Variants in TANC1 observed in about 807,000 individuals in gnomAD.
The protein encoded by TANC1 is protein TANC1.
In TANC1, 77 loss-of-function variants were observed where a neutral mutation model predicts 149.7. The ratio of observed to expected loss-of-function variants is 0.51; its 90% confidence interval spans 0.43 to 0.62. The LOEUF (loss-of-function observed/expected upper bound fraction) is 0.62, where lower values mean the gene tolerates loss of function less well. Among genes scored for constraint, TANC1 ranks in the 20% least tolerant of loss-of-function variants. TANC1 has a pLI of 0.00. For synonymous variants in TANC1, 854 were observed against 925.0 expected (o/e 0.92, Z 1.39); for missense variants, 1,985 against 2,321.8 (o/e 0.85, Z 2.98).
At chr2:159,182,157 C>G (rs975904877) in intron 14 of TANC1, among the ~76,000 whole-genome samples, 6 of 151,790 alleles carry the variant, frequency 4.0e-5, no homozygotes. Flanking sequence ...TGCAGTGAGT[C>G]GAGATCGTGC....
At chr2:159,146,934 T>TA (rs34335455) in intron 5 of TANC1, among the ~76,000 whole-genome samples, 117 of 148,448 alleles carry the variant, frequency 7.9e-4, no homozygotes, top group South Asian at 2.4e-3. Context: ...GTTTTTGGAT[T>TA]AAAAAAAAAA....
rs766595404 is a variant in TANC1 at position 159,163,529 on chromosome 2, G to A, written c.929G>A (p.Arg310Gln). ...GGCTCCAGCTCACTAATAATGCCACGGCCCAACTCAGTTGCAGGTAAGGCC... is the reference window on the plus strand; with the variant it reads ...GGCTCCAGCTCACTAATAATGCCACAGCCCAACTCAGTTGCAGGTAAGGCC... Reference protein sequence around the residue: ...SQGSSSLIMPRPNSVAATSST... With the variant: ...SQGSSSLIMPQPNSVAATSST... The change falls in exon 8 of 27, where the codon CGG (arginine) becomes CAG (glutamine). Residue 310 changes from arginine (R) to glutamine (Q), a missense_variant. By Grantham distance (43) the Arg-to-Gln change is conservative. This residue lies in a region of TANC1 where 557 missense variants were observed against 612.9 expected (regional missense o/e 0.91). Transcript: ENST00000263635. The A allele has an allele frequency of 4.3e-6, 7 of 1,612,174 alleles. No homozygotes were observed. Among genetic ancestry groups the A allele is most frequent in the Non-Finnish European group, 5.9e-6 (7 of 1,179,556 alleles).
intron 17 of TANC1, among the ~76,000 whole-genome samples, chr2:159,195,310 G>A (rs2057764579): frequency 2.6e-5 from 4 of 152,102 alleles, no homozygotes; most frequent in Admixed American, 2.6e-4. Flanking sequence ...AGTACAGATG[G>A]GGTTTCACCA....
chr2:159,066,860 C>G (rs1011546255), intron 3 of TANC1, among the ~76,000 whole-genome samples: 2 of 152,164 alleles, frequency 1.3e-5, no homozygotes, highest in Non-Finnish European at 1.5e-5. Flanking sequence ...CTAACCTATT[C>G]TAGGATTATT....
At chr2:159,058,413 C>T (rs757606767) in intron 2 of TANC1, among the ~76,000 whole-genome samples, 37 of 151,936 alleles carry the variant, frequency 2.4e-4, no homozygotes, top group Admixed American at 3.9e-4. Context: ...AGAGAATTGC[C>T]GTTGATTTTG....
chr2:159,217,005 T>C (rs552538409), intron 19 of TANC1, among the ~76,000 whole-genome samples: 3 of 152,340 alleles, frequency 2.0e-5, no homozygotes, highest in Non-Finnish European at 2.9e-5. Flanking sequence ...CTTAGCCACC[T>C]CTGAATCTAT....
chr2:159,217,757 G>T (rs1008250213), intron 20 of TANC1, 127 bp downstream of exon 20: 2 of 1,272,294 alleles, frequency 1.6e-6, no homozygotes, highest in Non-Finnish European at 2.2e-6. Flanking sequence ...GGCTTCTGCT[G>T]TGCCATCAGG....
chr2:159,091,057 G>A (rs768366508), intron 3 of TANC1, among the ~76,000 whole-genome samples: 3 of 151,792 alleles, frequency 2.0e-5, no homozygotes, highest in Admixed American at 1.3e-4. Flanking sequence ...TCCCCTCTGT[G>A]GTGGCCCAGT....
intron 2 of TANC1, chr2:159,056,194 G>A (rs908592865): frequency 3.4e-5 from 8 of 236,776 alleles, no homozygotes; most frequent in Middle Eastern, 1.1e-3. Flanking sequence ...AATCCACAAA[G>A]GTGAGCTTTC....
chr2:159,160,933 T>C (rs563329270), intron 7 of TANC1, among the ~76,000 whole-genome samples: 3 of 152,236 alleles, frequency 2.0e-5, no homozygotes, highest in African/African-American at 7.2e-5. Context: ...CCCACCCCTT[T>C]TCCTTCCTCT....
chr2:159,118,717 A>G (rs550388402), intron 4 of TANC1, among the ~76,000 whole-genome samples: 2 of 152,198 alleles, frequency 1.3e-5, no homozygotes, highest in South Asian at 4.1e-4. Context: ...TTGATGGTGG[A>G]GAAACGTCTC....
chr2:159,025,206 T>TTTCTTTC (rs2039201073), intron 2 of TANC1, among the ~76,000 whole-genome samples: 1 of 144,048 alleles, frequency 6.9e-6, no homozygotes, highest in Non-Finnish European at 1.5e-5. Flanking sequence ...TCTTTCTTTC[T>TTTCTTTC]TTCTTTCTTT....
intron 7 of TANC1, among the ~76,000 whole-genome samples, chr2:159,159,243 C>G (rs1165056635): frequency 6.6e-6 from 1 of 151,918 alleles, no homozygotes; most frequent in South Asian, 2.1e-4. Flanking sequence ...CTCAGGAGTT[C>G]AAGACCAGTG....
At chr2:159,006,464 TA>T (rs541050332) in intron 2 of TANC1, among the ~76,000 whole-genome samples, 9 of 152,212 alleles carry the variant, frequency 5.9e-5, no homozygotes, top group Non-Finnish European at 1.0e-4. Flanking sequence ...CAGTAGTCTT[TA>T]AACATTTTTC....
chr2:159,032,453 T>C (rs2039858841), intron 2 of TANC1, among the ~76,000 whole-genome samples: 1 of 152,184 alleles, frequency 6.6e-6, no homozygotes, highest in Admixed American at 6.5e-5. Flanking sequence ...AAAGTAACCT[T>C]TTCTTGGTGC....
At chr2:159,170,447 C>G (rs528714398) in intron 9 of TANC1, 77 bp from the exon 10 acceptor site, 40 of 1,351,064 alleles carry the variant, frequency 3.0e-5, no homozygotes, top group Non-Finnish European at 3.9e-5. Flanking sequence ...TAGTGTAACA[C>G]ACAAGCAATA....
At chr2:159,056,727 A>G (rs2041884435) in intron 2 of TANC1, 1 of 281,834 alleles carries the variant, frequency 3.5e-6, no homozygotes, top group Non-Finnish European at 7.4e-6. Context: ...CTTACCACAC[A>G]TGTGCTTGCC....
intron 7 of TANC1, 82 bp from the exon 8 acceptor site, chr2:159,163,201 G>C: frequency 7.3e-7 from 1 of 1,376,746 alleles, no homozygotes; most frequent in Non-Finnish European, 1.0e-6. Flanking sequence ...CATTGATCCT[G>C]GGGAGGGCAG....
chr2:159,136,049 T>TGTGTGCGA, intron 4 of TANC1, 145 bp from the exon 5 acceptor site: 3 of 90,876 alleles, frequency 3.3e-5, no homozygotes, highest in Non-Finnish European at 4.2e-5. Flanking sequence ...TGTGTGTGTG[T>TGTGTGCGA]GCGCGCGCGC....
Sources: allele counts gnomAD v4.1 joint callset (sites outside exome capture counted in the v4.1 genomes callset), GRCh38; gene constraint gnomAD v4.1.1; regional missense constraint gnomAD v4.1.1; transcripts MANE v1.5; gene names NCBI Gene and HGNC (gene_info 2026-07-23, HGNC 2026-07-21).